Variants in BICC1 observed in about 807,000 individuals in gnomAD.
BICC1 encodes the protein protein bicaudal C homolog 1.
A neutral mutation model predicts 111.0 loss-of-function variants in BICC1; 43 were observed. The observed-to-expected ratio is 0.39, with a 90% confidence interval of 0.30 to 0.50. The LOEUF (loss-of-function observed/expected upper bound fraction) is 0.50. BICC1 is among the 20% of genes least tolerant of loss of function. BICC1 has a pLI of 0.88. For synonymous variants in BICC1, 467 were observed against 434.4 expected, an observed-to-expected ratio of 1.07 and a Z score of -0.93; for missense variants, 1,091 against 1,203.2, an observed-to-expected ratio of 0.91 and a Z score of 1.38.
At chr10:58,677,263 G>A (rs961013588) in intron 2 of BICC1, among the ~76,000 whole-genome samples, 1 of 152,178 alleles carries the variant, frequency 6.6e-6, no homozygotes, top group Non-Finnish European at 1.5e-5. Flanking sequence ...CCAAGCTAAA[G>A]GAGCATGTTC....
chr10:58,735,521 A>G (rs538367883), intron 3 of BICC1, among the ~76,000 whole-genome samples: 3 of 151,686 alleles, frequency 2.0e-5, no homozygotes, highest in Admixed American at 1.3e-4. Context: ...GAAAAAGAAT[A>G]CAAAATAAAC....
intron 3 of BICC1, among the ~76,000 whole-genome samples, chr10:58,711,222 T>TAGA (rs1355931717): frequency 1.3e-5 from 2 of 152,046 alleles, no homozygotes; most frequent in African/African-American, 4.8e-5. Context: ...GGGCCAAGAG[T>TAGA]AGAAATTCAC....
intron 1 of BICC1, among the ~76,000 whole-genome samples, chr10:58,574,466 A>G (rs1844050430): frequency 1.3e-5 from 2 of 152,066 alleles, no homozygotes; most frequent in African/African-American, 4.8e-5. Flanking sequence ...CATAAAATAT[A>G]CATGTATTGA....
At chr10:58,739,028 A>G (rs1446435184) in intron 3 of BICC1, among the ~76,000 whole-genome samples, 1 of 152,064 alleles carries the variant, frequency 6.6e-6, no homozygotes, top group Non-Finnish European at 1.5e-5. Context: ...TGTCATCTGC[A>G]AACAGGGACA....
At chr10:58,686,069 A>G (rs562424482) in intron 2 of BICC1, among the ~76,000 whole-genome samples, 5 of 152,258 alleles carry the variant, frequency 3.3e-5, no homozygotes, top group South Asian at 2.1e-4. Context: ...GGTGGTGACA[A>G]AATCTCTCAG....
At chr10:58,565,669 A>T (rs898694461) in intron 1 of BICC1, among the ~76,000 whole-genome samples, 3 of 152,114 alleles carry the variant, frequency 2.0e-5, no homozygotes, top group African/African-American at 7.2e-5. Context: ...TGTAAAACTG[A>T]TTAGTGTTCT....
intron 15 of BICC1, among the ~76,000 whole-genome samples, chr10:58,805,692 C>A (rs1209592898): frequency 3.9e-5 from 6 of 152,126 alleles, no homozygotes; most frequent in African/African-American, 1.4e-4. Flanking sequence ...TGTTTCAGAC[C>A]ACAGATTATA....
At chr10:58,756,272 G>A (rs1842142047) in intron 3 of BICC1, among the ~76,000 whole-genome samples, 1 of 151,716 alleles carries the variant, frequency 6.6e-6, no homozygotes, top group Non-Finnish European at 1.5e-5. Flanking sequence ...TCCGTTTTTT[G>A]CATTTCCACG....
At chr10:58,701,770 A>AG (rs1157618492) in intron 2 of BICC1, among the ~76,000 whole-genome samples, 3 of 152,180 alleles carry the variant, frequency 2.0e-5, no homozygotes, top group Non-Finnish European at 2.9e-5. Context: ...TTCTGGCATC[A>AG]AGTTGGGTTA....
chr10:58,726,443 G>C (rs1841107639), intron 3 of BICC1, among the ~76,000 whole-genome samples: 1 of 152,132 alleles, frequency 6.6e-6, no homozygotes, highest in Non-Finnish European at 1.5e-5. Context: ...TAACTTGTAG[G>C]TTCTTTGGCT....
chr10:58,586,942 C>T (rs1358693160), intron 1 of BICC1, among the ~76,000 whole-genome samples: 3 of 152,146 alleles, frequency 2.0e-5, no homozygotes, highest in African/African-American at 4.8e-5. Context: ...CCCATTTGTT[C>T]TCTATGGGAG....
intron 3 of BICC1, among the ~76,000 whole-genome samples, chr10:58,718,197 C>T (rs1023414050): frequency 5.3e-5 from 8 of 152,150 alleles, no homozygotes; most frequent in Non-Finnish European, 1.2e-4. Context: ...GCTTCCAGTT[C>T]TGGAGACTGG....
chr10:58,827,704 T>G (rs185377049), intron 20 of BICC1, among the ~76,000 whole-genome samples: 49 of 152,274 alleles, frequency 3.2e-4, no homozygotes, highest in African/African-American at 1.0e-3. Flanking sequence ...GATTCTTCTA[T>G]GATAAAACAG....
chr10:58,692,519 C>T (rs1345354361), intron 2 of BICC1, among the ~76,000 whole-genome samples: 1 of 152,048 alleles, frequency 6.6e-6, no homozygotes. Flanking sequence ...TATTGTCAGT[C>T]ATAAATGTAT....
At chr10:58,795,558 G>A (rs1022124644) in intron 9 of BICC1, among the ~76,000 whole-genome samples, 1 of 152,068 alleles carries the variant, frequency 6.6e-6, no homozygotes, top group African/African-American at 2.4e-5. Context: ...TTGTAAATGA[G>A]AACTCCAGAG....
At chr10:58,762,168 A>T (rs567080674) in intron 3 of BICC1, among the ~76,000 whole-genome samples, 2 of 152,292 alleles carry the variant, frequency 1.3e-5, no homozygotes, top group Admixed American at 1.3e-4. Context: ...TTGTGTGTCC[A>T]GGAGACTCAC....
chr10:58,660,512 A>C (rs1416765635), intron 2 of BICC1, among the ~76,000 whole-genome samples: 1 of 151,990 alleles, frequency 6.6e-6, no homozygotes, highest in Non-Finnish European at 1.5e-5. Context: ...TCATTCTGAT[A>C]GTTCACATTC....
At position 58,513,361 on chromosome 10, in the gene BICC1, T is replaced by C. The variant is rs7100474; in HGVS notation, c.190+28T>C. ...AGGCATCCCTCGTGTTCTCGGACTC[T>C]CCGACTGAGCCTCTAACTCCTTTTC... is the stretch of plus-strand genomic sequence containing the variant. On this transcript the variant is annotated intron_variant, in intron 1 of 20. Transcript: ENST00000373886. 743,633 of 1,555,464 alleles carry C rather than the reference T, an allele frequency of 0.48. 180,619 individuals are homozygous for C. Among genetic ancestry groups the C allele is most frequent in the African/African-American group, 0.61 (44,538 of 72,542 alleles).
At chr10:58,733,987 A>G (rs1398504635) in intron 3 of BICC1, among the ~76,000 whole-genome samples, 1 of 152,200 alleles carries the variant, frequency 6.6e-6, no homozygotes, top group Non-Finnish European at 1.5e-5. Context: ...AGTAGTAGCC[A>G]CCTCTTAAGG....
Sources: allele counts gnomAD v4.1 joint callset (sites outside exome capture counted in the v4.1 genomes callset), GRCh38; gene constraint gnomAD v4.1.1; transcripts MANE v1.5; gene names NCBI Gene and HGNC (gene_info 2026-07-23, HGNC 2026-07-21).